SLCO3A1: variants seen among roughly 807,000 people sequenced by gnomAD.
SLCO3A1 encodes the protein PGE1 transporter.
Under a neutral mutation model 63.1 loss-of-function variants are expected in SLCO3A1, and 27 were observed. The observed-to-expected ratio is 0.43, with a 90% CI of 0.32 to 0.59. The LOEUF is 0.59. Among genes scored for constraint, SLCO3A1 ranks in the 20% least tolerant of loss-of-function variants. The probability of loss-of-function intolerance (pLI) is 0.09; values close to 1 mark genes in which losing one functional copy is unlikely to be tolerated. For synonymous variants in SLCO3A1, 473 were observed against 409.9 expected, an observed-to-expected ratio of 1.15 and a Z score of -1.86; for missense variants, 773 against 945.8, an observed-to-expected ratio of 0.82 and a Z score of 2.40.
chr15:92,139,408 G>A (rs1160452897), intron 7 of SLCO3A1, among the ~76,000 whole-genome samples: 1 of 152,050 alleles, frequency 6.6e-6, no homozygotes, highest in Admixed American at 6.6e-5. Context: ...TGGCATCAAT[G>A]TTCATCAAGG....
chr15:92,126,345 T>C, intron 6 of SLCO3A1, 86 bp downstream of exon 6: 2 of 1,135,034 alleles, frequency 1.8e-6, no homozygotes, highest in Non-Finnish European at 2.6e-6. Flanking sequence ...GAACCAGCTT[T>C]GTTCCTAGTG....
At chr15:92,046,345 T>C (rs1184646489) in intron 2 of SLCO3A1, among the ~76,000 whole-genome samples, 1 of 151,506 alleles carries the variant, frequency 6.6e-6, no homozygotes, top group Non-Finnish European at 1.5e-5. Context: ...TGAAACCTTG[T>C]CTCTACTAAA....
intron 2 of SLCO3A1, among the ~76,000 whole-genome samples, chr15:91,946,724 GA>G (rs1899818975): frequency 6.6e-6 from 1 of 152,188 alleles, no homozygotes; most frequent in African/African-American, 2.4e-5. Context: ...GCAGTTACAT[GA>G]AAAAGGAAGC....
chr15:91,965,695 G>A (rs867219816), intron 2 of SLCO3A1, among the ~76,000 whole-genome samples: 8 of 151,922 alleles, frequency 5.3e-5, no homozygotes, highest in African/African-American at 1.9e-4. Context: ...GTCTACAGGT[G>A]CACTTGAATT....
At chr15:92,010,571 G>A (rs1424270486) in intron 2 of SLCO3A1, among the ~76,000 whole-genome samples, 1 of 152,144 alleles carries the variant, frequency 6.6e-6, no homozygotes, top group African/African-American at 2.4e-5. Flanking sequence ...TTAGACTTCT[G>A]TGTAGGCATT....
intron 9 of SLCO3A1, among the ~76,000 whole-genome samples, chr15:92,157,593 C>T (rs1316821447): frequency 1.3e-5 from 2 of 151,600 alleles, no homozygotes; most frequent in South Asian, 2.1e-4. Context: ...CAGGTTCAAG[C>T]GATTCTCCTG....
Position 91,948,321 on chromosome 15 carries a change from A to G in SLCO3A1, c.646+31863A>G, listed in dbSNP as rs970504866. 1.3e-5 allele frequency among the ~76,000 whole-genome samples: 2 copies of G among 151,990 alleles called. No individual in the cohort carries two copies. Among genetic ancestry groups the G allele is most frequent in the African/African-American group, 4.8e-5 (2 of 41,356 alleles). Reference sequence around the variant, plus strand: ...GTAGTGCTCCTGGGAGGTGCATTTGAGCTGTCCTAGAAGGGCTTCCAGAGC... The same window carrying G: ...GTAGTGCTCCTGGGAGGTGCATTTGGGCTGTCCTAGAAGGGCTTCCAGAGC... On this transcript the variant is annotated intron_variant, in intron 2 of 9. Transcript: ENST00000318445. The surrounding 1 kb of genome is among the most constrained non-coding windows in gnomAD (Gnocchi z 4.8).
At chr15:91,971,403 A>AAAAAAAAAAAAAAAAAAAAAAAAAAC (rs1567044695) in intron 2 of SLCO3A1, among the ~76,000 whole-genome samples, 1 of 145,510 alleles carries the variant, frequency 6.9e-6, no homozygotes, top group Non-Finnish European at 1.5e-5. Flanking sequence ...TCAAAAAAAA[A>AAAAAAAAAAAAAAAAAAAAAAAAAAC]AAAAAAAGCA....
At chr15:91,962,790 A>G (rs1330221421) in intron 2 of SLCO3A1, among the ~76,000 whole-genome samples, 1 of 152,042 alleles carries the variant, frequency 6.6e-6, no homozygotes, top group East Asian at 1.9e-4. Context: ...TACTTTCACA[A>G]CCCAATAACG....
chr15:91,927,848 C>T (rs1899085039), intron 2 of SLCO3A1, among the ~76,000 whole-genome samples: 1 of 152,182 alleles, frequency 6.6e-6, no homozygotes, highest in African/African-American at 2.4e-5. Flanking sequence ...TCTAAAATTG[C>T]GTATGGACAC....
chr15:92,071,186 C>T (rs1336219259), intron 2 of SLCO3A1, among the ~76,000 whole-genome samples: 3 of 152,144 alleles, frequency 2.0e-5, no homozygotes, highest in South Asian at 2.1e-4. Context: ...GAAATACCCT[C>T]CTGGGGGCAC....
chr15:91,996,051 AAGATT>A (rs1488977708), intron 2 of SLCO3A1, among the ~76,000 whole-genome samples: 3 of 152,154 alleles, frequency 2.0e-5, no homozygotes, highest in African/African-American at 7.2e-5. Context: ...GAAACAAAAT[AAGATT>A]AGAAAAGAAC....
chr15:91,999,424 A>T (rs1244661462), intron 2 of SLCO3A1, among the ~76,000 whole-genome samples: 1 of 152,230 alleles, frequency 6.6e-6, no homozygotes, highest in Non-Finnish European at 1.5e-5. Flanking sequence ...GCCATAGAAA[A>T]ATGGGTATAA....
chr15:91,997,683 T>C (rs1457403125), intron 2 of SLCO3A1, among the ~76,000 whole-genome samples: 1 of 152,100 alleles, frequency 6.6e-6, no homozygotes, highest in Non-Finnish European at 1.5e-5. Flanking sequence ...TGGAGCAGAA[T>C]AGAGAACCAA....
At position 91,853,888 on chromosome 15, in the gene SLCO3A1, G is replaced by C. The variant is rs1398419570; in HGVS notation, c.-21G>C. ...GCGGGAAAGCGGCAGCGGCGGCGGC[G>C]GCGGCGGCGGCGGGGGAAGGATGCA... On this transcript the variant is annotated 5_prime_UTR_variant, in exon 1 of 10. Transcript: ENST00000318445. The C allele has an allele frequency of 7.5e-7, 1 of 1,332,790 alleles. No individual in the cohort carries two copies. Among genetic ancestry groups the C allele is most frequent in the Admixed American group, 3.3e-5 (1 of 30,318 alleles). 82.6% of individuals were successfully genotyped at this position (1,332,790 alleles called of 1,614,324 possible).
At chr15:91,969,087 C>T (rs1413631641) in intron 2 of SLCO3A1, among the ~76,000 whole-genome samples, 2 of 152,186 alleles carry the variant, frequency 1.3e-5, no homozygotes, top group African/African-American at 4.8e-5. Context: ...GTCCCCGCTA[C>T]ACACTTTGAG....
At chr15:91,921,751 A>C (rs368860794) in intron 2 of SLCO3A1, among the ~76,000 whole-genome samples, 66 of 149,624 alleles carry the variant, frequency 4.4e-4, no homozygotes, top group African/African-American at 1.6e-3. Context: ...CTTTTTTGAC[A>C]TGAAGTCTCA....
Position 91,910,532 on chromosome 15 carries a change from G to A in SLCO3A1, c.181-5461G>A, listed in dbSNP as rs144225229. ...GCTTTTTAGTGTGCACCTACTGTGG[G>A]CCAGCTGCTCTGATGTATGACTTCA... On this transcript the variant is annotated intron_variant, in intron 1 of 9. Coordinates refer to ENST00000318445, the MANE Select transcript of SLCO3A1 (RefSeq NM_013272.4). 1.8e-3 allele frequency among the ~76,000 whole-genome samples: 278 copies of A among 152,356 alleles called. 1 individual carries two copies. The highest frequency in any genetic ancestry group is 3.5e-3 in the Non-Finnish European group (239 of 68,030).
chr15:91,968,659 C>G lies in SLCO3A1; in HGVS notation c.646+52201C>G, dbSNP rs1900746558. 6.6e-6 allele frequency among the ~76,000 whole-genome samples: 1 copy of G among 152,156 alleles called. No homozygotes were observed. The highest frequency in any genetic ancestry group is 1.5e-5 in the Non-Finnish European group (1 of 68,030). On this transcript the variant is annotated intron_variant, in intron 2 of 9. Coordinates refer to ENST00000318445, the MANE Select transcript of SLCO3A1 (RefSeq NM_013272.4). The surrounding 1 kb of genome is among the most constrained non-coding windows in gnomAD (Gnocchi z 4.2). ...TCCATGTGAAGCTTCATTCCCCAAC[C>G]CATTCTTCAGACAGAGAAAGGGTGC... is the stretch of plus-strand genomic sequence containing the variant.
Sources: allele counts gnomAD v4.1 joint callset (sites outside exome capture counted in the v4.1 genomes callset), GRCh38; gene constraint gnomAD v4.1.1; non-coding constraint Gnocchi (gnomAD v3.1); transcripts MANE v1.5; gene names NCBI Gene and HGNC (gene_info 2026-07-23, HGNC 2026-07-21).